Variants in MIPEP observed in about 807,000 individuals in gnomAD.
The protein encoded by MIPEP is mitochondrial intermediate peptidase.
A neutral mutation model predicts 90.3 loss-of-function variants in MIPEP; 79 were observed. That is an observed-to-expected ratio of 0.87 (90% confidence interval 0.73 to 1.05). The LOEUF is 1.05. Among genes scored for constraint, MIPEP ranks in the 50% least tolerant of loss-of-function variants. The pLI, the probability that MIPEP is intolerant of heterozygous loss-of-function variation, is 0.00. For missense variants in MIPEP, 940 were observed against 905.6 expected (o/e 1.04, Z -0.49); for synonymous variants, 334 against 315.8 (o/e 1.06, Z -0.61).
chr13:23,752,098 A>G (rs1015908804), intron 18 of MIPEP, among the ~76,000 whole-genome samples: 10 of 152,198 alleles, frequency 6.6e-5, no homozygotes, highest in Non-Finnish European at 1.5e-4. Context: ...AAGTTTCATT[A>G]TTTATAAAAA....
At chr13:23,750,738 T>C (rs576351114) in intron 18 of MIPEP, among the ~76,000 whole-genome samples, 6 of 152,348 alleles carry the variant, frequency 3.9e-5, no homozygotes, top group African/African-American at 1.4e-4. Flanking sequence ...GGAACTCTTC[T>C]CTATGGGAGA....
intron 10 of MIPEP, among the ~76,000 whole-genome samples, chr13:23,858,613 A>T (rs145646340): frequency 1.2e-4 from 19 of 152,224 alleles, no homozygotes; most frequent in Admixed American, 4.6e-4. Flanking sequence ...CAATGCTCAC[A>T]GCCTAGGAAG....
intron 3 of MIPEP, among the ~76,000 whole-genome samples, chr13:23,880,482 G>C (rs1299704003): frequency 6.6e-6 from 1 of 152,262 alleles, no homozygotes; most frequent in Admixed American, 6.5e-5. Flanking sequence ...CCATACTTCA[G>C]TCTGTATTTG....
At chr13:23,809,398 T>A (rs942778721) in intron 15 of MIPEP, among the ~76,000 whole-genome samples, 2 of 150,164 alleles carry the variant, frequency 1.3e-5, no homozygotes, top group African/African-American at 4.9e-5. Flanking sequence ...CAGGCTGGAG[T>A]CAGTGGCAAG....
At chr13:23,851,657 C>T (rs1171413084) in intron 10 of MIPEP, among the ~76,000 whole-genome samples, 1 of 151,914 alleles carries the variant, frequency 6.6e-6, no homozygotes, top group African/African-American at 2.4e-5. Context: ...CTTCACATCA[C>T]CCTCTGTGGG....
chr13:23,853,820 C>T (rs1167017561), intron 10 of MIPEP, among the ~76,000 whole-genome samples: 1 of 151,906 alleles, frequency 6.6e-6, no homozygotes, highest in Non-Finnish European at 1.5e-5. Flanking sequence ...CCCGCCTCAG[C>T]CTCCCAAAGT....
intron 16 of MIPEP, among the ~76,000 whole-genome samples, chr13:23,803,754 A>G (rs1244742368): frequency 6.6e-6 from 1 of 152,212 alleles, no homozygotes; most frequent in East Asian, 1.9e-4. Flanking sequence ...GATGTCGGGA[A>G]TGTTATAGGC....
Position 23,745,209 on chromosome 13 carries a change from TTAATG to T in MIPEP, c.2044+11331_2044+11335del, listed in dbSNP as rs149343161. The stretch of plus-strand genomic sequence containing the variant: ...CAGGGACTATTCAATAAGAGAAACT[TTAATG>T]TAAAGATAAACTATTAAATGTAAAA... On this transcript the variant is annotated intron_variant, in intron 18 of 18. Coordinates refer to ENST00000382172, the MANE Select transcript of MIPEP (RefSeq NM_005932.4). 6.9e-3 allele frequency among the ~76,000 whole-genome samples: 1,058 copies of T among 152,272 alleles called. 17 individuals are homozygous for T. The highest frequency in any genetic ancestry group is 0.025 in the African/African-American group (1,018 of 41,548).
intron 18 of MIPEP, among the ~76,000 whole-genome samples, chr13:23,739,373 A>G (rs1952300926): frequency 6.6e-6 from 1 of 152,256 alleles, no homozygotes. Flanking sequence ...GTTAAAAAGC[A>G]GGGTATGTTT....
At position 23,866,990 on chromosome 13, in the gene MIPEP, C is replaced by T. The variant is rs1031315481; in HGVS notation, c.943+2302G>A. Among the ~76,000 whole-genome samples, 28 of 146,166 alleles carry T rather than the reference C, an allele frequency of 1.9e-4. No homozygotes were observed. In the South Asian group the frequency reaches 6.6e-3, roughly 35 times the overall value. ...CCCAGAATCTGATCACATCTTACCA[C>T]CTTCCCTGCTACCACCTGGTCAAGA... On this transcript the variant is annotated intron_variant, in intron 7 of 18. Coordinates refer to ENST00000382172, the MANE Select transcript of MIPEP (RefSeq NM_005932.4).
chr13:23,777,060 G>A (rs1044271630), intron 16 of MIPEP, among the ~76,000 whole-genome samples: 2 of 152,124 alleles, frequency 1.3e-5, no homozygotes, highest in Non-Finnish European at 2.9e-5. Context: ...AAAAATCAGT[G>A]CTACTAAAGT....
intron 16 of MIPEP, among the ~76,000 whole-genome samples, chr13:23,792,529 G>T (rs1017746956): frequency 1.3e-5 from 2 of 152,132 alleles, no homozygotes; most frequent in Non-Finnish European, 2.9e-5. Context: ...ACAGGTGCGT[G>T]CCACCATGCC....
chr13:23,768,114 G>A (rs577976931), intron 16 of MIPEP, among the ~76,000 whole-genome samples: 1 of 150,848 alleles, frequency 6.6e-6, no homozygotes, highest in South Asian at 2.2e-4. Flanking sequence ...AAATGGTGAA[G>A]ACTGGAATCA....
At chr13:23,827,909 C>G (rs537247448) in intron 14 of MIPEP, among the ~76,000 whole-genome samples, 1 of 151,970 alleles carries the variant, frequency 6.6e-6, no homozygotes, top group South Asian at 2.1e-4. Flanking sequence ...CCAGCCTGGG[C>G]GATGGAGGGA....
chr13:23,767,134 G>C (rs1338526606), intron 16 of MIPEP, among the ~76,000 whole-genome samples: 4 of 152,142 alleles, frequency 2.6e-5, no homozygotes, highest in Non-Finnish European at 5.9e-5. Flanking sequence ...CCAATAACCT[G>C]GGTGATGCAG....
Position 23,886,446 on chromosome 13 carries a change from C to T in MIPEP, c.250G>A (p.Ala84Thr). 1 of 1,607,238 alleles carries T rather than the reference C, an allele frequency of 6.2e-7. No individual in the cohort carries two copies. The highest frequency in any genetic ancestry group is 8.5e-7 in the Non-Finnish European group (1 of 1,176,422). The change falls in exon 2 of 19, where the codon GCC becomes ACC. Residue 84 changes from alanine (A) to threonine (T), a missense_variant. By Grantham distance (58) the Ala-to-Thr change is moderately conservative (BLOSUM62 0). Coordinates refer to ENST00000382172, the MANE Select transcript of MIPEP (RefSeq NM_005932.4). ...PEGFHIAQEK[A>T]LRKTELLVDR... ...ACAAGCAATTCTGTCTTTCTCAAGG[C>T]TTTTTCTTGTGCAATATGAAATCCT... is the stretch of plus-strand genomic sequence containing the variant.
At chr13:23,782,321 A>G (rs1242420022) in intron 16 of MIPEP, among the ~76,000 whole-genome samples, 1 of 152,240 alleles carries the variant, frequency 6.6e-6, no homozygotes, top group African/African-American at 2.4e-5. Context: ...CTGCTCAACT[A>G]CATGGAAACT....
chr13:23,761,152 C>T (rs1490765863), intron 16 of MIPEP, among the ~76,000 whole-genome samples: 1 of 147,308 alleles, frequency 6.8e-6, no homozygotes, highest in Admixed American at 6.8e-5. Context: ...TAAGAAGAGA[C>T]AAACGCTAAG....
At chr13:23,859,919 T>G (rs780274824) in intron 9 of MIPEP, among the ~76,000 whole-genome samples, 4 of 152,232 alleles carry the variant, frequency 2.6e-5, no homozygotes, top group Non-Finnish European at 5.9e-5. Flanking sequence ...CAACCTAAGA[T>G]ACTTGTAGGC....
Sources: gnomAD v4.1 joint callset for allele counts (sites outside exome capture counted in the v4.1 genomes callset) on GRCh38, gnomAD v4.1.1 for gene constraint, MANE v1.5 for transcripts, NCBI Gene and HGNC (gene_info 2026-07-23, HGNC 2026-07-21) for gene names.